KATNAL1: variants seen among roughly 807,000 people sequenced by gnomAD.
KATNAL1 encodes the protein katanin p60 ATPase-containing subunit A-like 1.
A neutral mutation model predicts 55.2 loss-of-function variants in KATNAL1; 32 were observed. The ratio of observed to expected loss-of-function variants is 0.58; its 90% CI spans 0.44 to 0.78. KATNAL1 has a LOEUF of 0.78. KATNAL1 is among the 30% of genes least tolerant of loss of function. The pLI, the probability that KATNAL1 is intolerant of heterozygous loss-of-function variation, is 0.00. For synonymous variants in KATNAL1, 193 were observed against 193.6 expected (o/e 1.00, Z 0.02); for missense variants, 466 against 600.9 (o/e 0.78, Z 2.35).
chr13:30,239,954 G>A (rs1370990382), intron 6 of KATNAL1, among the ~76,000 whole-genome samples: 1 of 152,104 alleles, frequency 6.6e-6, no homozygotes, highest in Non-Finnish European at 1.5e-5. Flanking sequence ...AAAGTGCTGG[G>A]ATTACAGGTG....
At chr13:30,283,413 C>T (rs1239658576) in intron 2 of KATNAL1, among the ~76,000 whole-genome samples, 1 of 151,866 alleles carries the variant, frequency 6.6e-6, no homozygotes, top group African/African-American at 2.4e-5. Flanking sequence ...CAAAACATCC[C>T]TCACGAAATA....
intron 3 of KATNAL1, among the ~76,000 whole-genome samples, chr13:30,270,221 G>A (rs1356086434): frequency 4.5e-5 from 6 of 133,468 alleles, no homozygotes; most frequent in South Asian, 2.5e-4. Context: ...CCCCCCGCCC[G>A]GCCAGCCGCC....
At chr13:30,270,102 C>T (rs1399321535) in intron 3 of KATNAL1, among the ~76,000 whole-genome samples, 3 of 135,574 alleles carry the variant, frequency 2.2e-5, no homozygotes, top group Admixed American at 7.0e-5. Flanking sequence ...CCCGGCCAGC[C>T]GCCCCGTCCG....
chr13:30,239,691 T>G (rs1446075106), intron 6 of KATNAL1, among the ~76,000 whole-genome samples: 2 of 149,902 alleles, frequency 1.3e-5, no homozygotes, highest in East Asian at 2.0e-4. Flanking sequence ...AGTGATTTTT[T>G]TTTTTTTTTT....
At chr13:30,239,684 G>GTT (rs1566100241) in intron 6 of KATNAL1, among the ~76,000 whole-genome samples, 3 of 128,394 alleles carry the variant, frequency 2.3e-5, no homozygotes, top group Admixed American at 8.4e-5. Flanking sequence ...ATACAGAAGT[G>GTT]ATTTTTTTTT....
At chr13:30,255,702 A>T (rs1878724832) in intron 3 of KATNAL1, 87 bp from the exon 4 acceptor site, 2 of 1,194,664 alleles carry the variant, frequency 1.7e-6, no homozygotes, top group Non-Finnish European at 2.1e-6. Flanking sequence ...AGTCAATAAA[A>T]TTGTTAAATC....
At chr13:30,263,271 T>G (rs1195090811) in intron 3 of KATNAL1, among the ~76,000 whole-genome samples, 2 of 152,148 alleles carry the variant, frequency 1.3e-5, no homozygotes, top group African/African-American at 4.8e-5. Context: ...TCATACTGAA[T>G]GGGCAAAAAC....
At chr13:30,227,874 T>C (rs1170910993) in intron 8 of KATNAL1, among the ~76,000 whole-genome samples, 3 of 152,144 alleles carry the variant, frequency 2.0e-5, no homozygotes, top group African/African-American at 7.2e-5. Context: ...TATGGGAGAT[T>C]AGGCTCTGTT....
chr13:30,297,436 T>C (rs1334631140), intron 1 of KATNAL1, among the ~76,000 whole-genome samples: 2 of 152,218 alleles, frequency 1.3e-5, no homozygotes, highest in Non-Finnish European at 2.9e-5. Flanking sequence ...TTATACATTG[T>C]TGGTATGGAA....
chr13:30,288,970 T>C (rs1286549405), intron 1 of KATNAL1, among the ~76,000 whole-genome samples: 3 of 152,232 alleles, frequency 2.0e-5, no homozygotes, highest in Non-Finnish European at 4.4e-5. Flanking sequence ...TTCAAACTTC[T>C]TACACTTTCA....
Position 30,272,572 on chromosome 13 carries a change from C to T in KATNAL1, c.323+7491G>A, listed in dbSNP as rs542145230. Among the ~76,000 whole-genome samples the T allele has an allele frequency of 3.9e-5, 6 of 152,174 alleles. No individual in the cohort carries two copies. The East Asian group carries it at 9.6e-4, about 24-fold the overall frequency. ...CGTGTTATGGCTTCATTCTGACTTA[C>T]CACTATCTTGTTCCCACTACTTAAT... On this transcript the variant is annotated intron_variant, in intron 3 of 10. Transcript: ENST00000380615.
intron 9 of KATNAL1, among the ~76,000 whole-genome samples, chr13:30,227,008 G>A (rs753607542): frequency 6.6e-6 from 1 of 152,090 alleles, no homozygotes; most frequent in Non-Finnish European, 1.5e-5. Flanking sequence ...CTTAGGAGGT[G>A]GAGGTTGCAG....
At chr13:30,232,812 A>G (rs1876241115) in intron 6 of KATNAL1, among the ~76,000 whole-genome samples, 1 of 152,148 alleles carries the variant, frequency 6.6e-6, no homozygotes, top group South Asian at 2.1e-4. Context: ...GTATACAAAT[A>G]TACTTTAATC....
At chr13:30,237,388 CTGGATGATAAA>C (rs1171664069) in intron 6 of KATNAL1, among the ~76,000 whole-genome samples, 1 of 152,078 alleles carries the variant, frequency 6.6e-6, no homozygotes, top group Non-Finnish European at 1.5e-5. Context: ...CTAAGATAGG[CTGGATGATAAA>C]TGGATAGATG....
At chr13:30,258,064 A>G (rs184963765) in intron 3 of KATNAL1, among the ~76,000 whole-genome samples, 1 of 152,334 alleles carries the variant, frequency 6.6e-6, no homozygotes, top group Admixed American at 6.5e-5. Flanking sequence ...CTGTAAAAAT[A>G]GACTTTAGTA....
At chr13:30,273,738 T>G (rs1217753005) in intron 3 of KATNAL1, among the ~76,000 whole-genome samples, 1 of 152,232 alleles carries the variant, frequency 6.6e-6, no homozygotes, top group East Asian at 1.9e-4. Context: ...GCAAATAACC[T>G]ATTCCATCAT....
At chr13:30,296,096 C>T (rs1236922071) in intron 1 of KATNAL1, 8 of 329,606 alleles carry the variant, frequency 2.4e-5, no homozygotes, top group South Asian at 1.7e-4. Flanking sequence ...CGCGGGTCCA[C>T]GCACGTGATC....
chr13:30,221,311 T>C (rs564313489), intron 9 of KATNAL1, among the ~76,000 whole-genome samples: 1 of 152,346 alleles, frequency 6.6e-6, no homozygotes, highest in Non-Finnish European at 1.5e-5. Context: ...AAGAAAACTG[T>C]TTGCATGTAT....
intron 3 of KATNAL1, among the ~76,000 whole-genome samples, chr13:30,265,298 C>T (rs1385239045): frequency 1.3e-5 from 2 of 151,466 alleles, no homozygotes; most frequent in South Asian, 2.1e-4. Context: ...GGGTGCAGCG[C>T]ACCAGCATGG....
Sources: gnomAD v4.1 joint callset for allele counts (sites outside exome capture counted in the v4.1 genomes callset) on GRCh38, gnomAD v4.1.1 for gene constraint, MANE v1.5 for transcripts, NCBI Gene and HGNC (gene_info 2026-07-23, HGNC 2026-07-21) for gene names.